ASIP: variants seen among roughly 807,000 people sequenced by gnomAD.
ASIP encodes agouti signaling protein, also known as agouti-signaling protein.
In ASIP, 11 loss-of-function variants were observed where a neutral mutation model predicts 10.3. That is an observed-to-expected ratio of 1.07 (90% CI 0.68 to 1.78). The LOEUF is 1.78. Among genes scored for constraint, ASIP ranks in the 40% most tolerant of loss-of-function variants. The pLI is 0.00. For synonymous variants in ASIP, 70 were observed against 70.8 expected, an observed-to-expected ratio of 0.99 and a Z score of 0.06; for missense variants, 180 against 169.2, an observed-to-expected ratio of 1.06 and a Z score of -0.35.
rs1452704340 is a variant in ASIP at position 34,212,137 on chromosome 20, A to G, written c.-11+17377A>G. Among the ~76,000 whole-genome samples the G allele has an allele frequency of 2.6e-5, 4 of 152,068 alleles. No homozygotes were observed. The East Asian group carries it at 5.8e-4, about 22-fold the overall frequency. On this transcript the variant is annotated intron_variant, in intron 1 of 3. Transcript: ENST00000568305. ...TTCTGAATTTTCTTTCATTTCACCA[A>G]TTCTGCTTTAAGCTGAGTCTAATTT... is the stretch of plus-strand genomic sequence containing the variant.
chr20:34,248,724 C>A (rs1290882446), intron 1 of ASIP, among the ~76,000 whole-genome samples: 1 of 151,894 alleles, frequency 6.6e-6, no homozygotes, highest in Non-Finnish European at 1.5e-5. Context: ...TGCTTGAGCC[C>A]AGGAGGTCAA....
intron 1 of ASIP, chr20:34,215,266 A>G (rs570024705): frequency 1.3e-6 from 2 of 1,548,984 alleles, no homozygotes; most frequent in Non-Finnish European, 1.8e-6. Flanking sequence ...ATAAGCCCCA[A>G]CTACTTCAAG....
At position 34,269,057 on chromosome 20, in the gene ASIP, C is replaced by A; in HGVS notation, c.289C>A (p.Arg97Ser). The part of the protein sequence containing the change: ...TPLSAPCVAT[R>S]NSCKPPAPAC... ...CCTATCTGCGCCCTGCGTGGCCACC[C>A]GCAACAGCTGCAAGCCGCCGGCACC... The change falls in exon 4 of 4, where the codon CGC becomes AGC. Residue 97 changes from arginine to serine, a missense_variant. Coordinates refer to ENST00000374954, the MANE Select transcript of ASIP (RefSeq NM_001672.3). The A allele has an allele frequency of 6.3e-7, 1 of 1,599,872 alleles. No homozygotes were observed. Among genetic ancestry groups the A allele is most frequent in the East Asian group, 2.3e-5 (1 of 44,056 alleles).
chr20:34,204,340 C>G (rs2034921166), intron 1 of ASIP, among the ~76,000 whole-genome samples: 1 of 151,810 alleles, frequency 6.6e-6, no homozygotes, highest in Non-Finnish European at 1.5e-5. Context: ...CCTGCCTCAG[C>G]CTTCCGAGTA....
At chr20:34,206,444 A>T (rs1228668412) in intron 1 of ASIP, among the ~76,000 whole-genome samples, 3 of 152,134 alleles carry the variant, frequency 2.0e-5, no homozygotes, top group Admixed American at 2.0e-4. Flanking sequence ...TGTGACATTT[A>T]TCTTTCTGTG....
chr20:34,191,194 C>T (rs548199474), upstream of ASIP, among the ~76,000 whole-genome samples: 1 of 152,268 alleles, frequency 6.6e-6, no homozygotes, highest in South Asian at 2.1e-4. Context: ...CTTTAATTTT[C>T]TAAATTAAAT....
chr20:34,265,914 C>T (rs1312541449), intron 3 of ASIP, among the ~76,000 whole-genome samples: 1 of 151,680 alleles, frequency 6.6e-6, no homozygotes, highest in African/African-American at 2.4e-5. Context: ...CACACCACTG[C>T]ACCCTAGCCT....
intron 1 of ASIP, among the ~76,000 whole-genome samples, chr20:34,233,258 C>T (rs1202123833): frequency 6.6e-6 from 1 of 150,818 alleles, no homozygotes; most frequent in African/African-American, 2.5e-5. Context: ...CCCCATTCTC[C>T]TGCCTCAGCC....
chr20:34,251,223 C>T (rs2035469512), intron 1 of ASIP, among the ~76,000 whole-genome samples: 1 of 152,078 alleles, frequency 6.6e-6, no homozygotes. Context: ...GTAAATTCTT[C>T]AGCTCTTAAG....
chr20:34,233,648 A>G (rs1203787353), intron 1 of ASIP, among the ~76,000 whole-genome samples: 1 of 152,220 alleles, frequency 6.6e-6, no homozygotes, highest in African/African-American at 2.4e-5. Context: ...ACCAGTCTGA[A>G]GATAATGAAT....
At chr20:34,212,518 T>C (rs190034180) in intron 1 of ASIP, among the ~76,000 whole-genome samples, 105 of 152,346 alleles carry the variant, frequency 6.9e-4, no homozygotes, top group African/African-American at 2.4e-3. Flanking sequence ...CCTATAAACT[T>C]ATTTAGTATA....
chr20:34,243,214 T>C (rs1354693554), intron 1 of ASIP, among the ~76,000 whole-genome samples: 9 of 152,208 alleles, frequency 5.9e-5, no homozygotes, highest in Non-Finnish European at 1.2e-4. Context: ...TCAAGTCTTC[T>C]CTCAAGTTCT....
Position 34,220,570 on chromosome 20 carries a change from G to C in ASIP, c.-11+25810G>C, listed in dbSNP as rs551372308. The stretch of plus-strand genomic sequence containing the variant: ...AGATCATGCCACTGCACTCCAGCCT[G>C]GATGACAGGGCGAGACCTTCTCTCA... On this transcript the variant is annotated intron_variant, in intron 1 of 3. Coordinates refer to the ASIP transcript ENST00000568305. Among the ~76,000 whole-genome samples the C allele has an allele frequency of 4.0e-5, 6 of 151,414 alleles. No individual in the cohort carries two copies. In the South Asian group the frequency reaches 1.0e-3, roughly 26 times the overall value.
chr20:34,214,964 A>T, intron 1 of ASIP: 1 of 1,394,488 alleles, frequency 7.2e-7, no homozygotes. Flanking sequence ...ACTATCCATG[A>T]CTGTCCCATT....
intron 1 of ASIP, among the ~76,000 whole-genome samples, chr20:34,217,258 C>G (rs1337434307): frequency 1.3e-5 from 2 of 151,812 alleles, no homozygotes; most frequent in Non-Finnish European, 2.9e-5. Flanking sequence ...GGCAACATGG[C>G]AAAACCCCAT....
intron 3 of ASIP, among the ~76,000 whole-genome samples, chr20:34,264,936 C>T (rs568695608): frequency 2.0e-5 from 3 of 151,898 alleles, no homozygotes; most frequent in East Asian, 3.9e-4. Context: ...GCTAGGACTA[C>T]GGGTGTGCAC....
intron 3 of ASIP, among the ~76,000 whole-genome samples, chr20:34,266,354 A>G (rs1568773595): frequency 6.6e-6 from 1 of 150,964 alleles, no homozygotes; most frequent in Non-Finnish European, 1.5e-5. Context: ...CGTCTCAAAA[A>G]TAATATAAAA....
chr20:34,218,512 A>G (rs2035024196), intron 1 of ASIP, among the ~76,000 whole-genome samples: 1 of 152,168 alleles, frequency 6.6e-6, no homozygotes, highest in East Asian at 1.9e-4. Flanking sequence ...AGCAGCATGC[A>G]GGTCTTATAG....
intron 1 of ASIP, among the ~76,000 whole-genome samples, chr20:34,217,952 T>G (rs1443414354): frequency 6.6e-6 from 1 of 152,246 alleles, no homozygotes; most frequent in East Asian, 1.9e-4. Flanking sequence ...AATACCAGTC[T>G]CACCTTACTT....
Sources: gnomAD v4.1 joint callset for allele counts (sites outside exome capture counted in the v4.1 genomes callset) on GRCh38, gnomAD v4.1.1 for gene constraint, MANE v1.5 for transcripts, NCBI Gene and HGNC (gene_info 2026-07-23, HGNC 2026-07-21) for gene names.